Variants in COA1 observed in about 807,000 individuals in gnomAD.
COA1 encodes cytochrome c oxidase assembly factor 1.
Under a neutral mutation model 16.0 loss-of-function variants are expected in COA1, and 13 were observed. The ratio of observed to expected loss-of-function variants is 0.81; its 90% confidence interval spans 0.53 to 1.29. COA1 has a LOEUF of 1.29. COA1 is among the 50% of genes most tolerant of loss of function. COA1 has a pLI of 0.00. For missense variants in COA1, 179 were observed against 177.0 expected (o/e 1.01, Z -0.06); for synonymous variants, 65 against 65.7 (o/e 0.99, Z 0.05).
chr7:43,694,945 C>T (rs1255033134), intron 1 of COA1, among the ~76,000 whole-genome samples: 1 of 152,198 alleles, frequency 6.6e-6, no homozygotes, highest in African/African-American at 2.4e-5. Context: ...CAATGAATGG[C>T]AACTCCAGCC....
intron 1 of COA1, among the ~76,000 whole-genome samples, chr7:43,677,700 G>A (rs936862389): frequency 6.6e-6 from 1 of 151,314 alleles, no homozygotes; most frequent in African/African-American, 2.4e-5. Context: ...TCAGGAGGCT[G>A]AGGCAAGAGA....
intron 1 of COA1, 114 bp downstream of exon 1, chr7:43,729,315 G>A (rs575502215): frequency 1.3e-5 from 2 of 152,478 alleles, no homozygotes; most frequent in Admixed American, 6.5e-5. Flanking sequence ...TGACCCGTGA[G>A]GGAACTCTCC....
At chr7:43,726,211 T>C (rs945945489) in intron 1 of COA1, among the ~76,000 whole-genome samples, 3 of 152,184 alleles carry the variant, frequency 2.0e-5, no homozygotes, top group African/African-American at 7.2e-5. Flanking sequence ...AAGCAGATCA[T>C]GGCACATTTT....
chr7:43,635,316 C>A (rs1261372545), downstream of COA1, among the ~76,000 whole-genome samples: 1 of 152,106 alleles, frequency 6.6e-6, no homozygotes, highest in African/African-American at 2.4e-5. Context: ...CTGGAATAAA[C>A]CTCTATTAGT....
At chr7:43,681,535 A>T (rs2093768459) in intron 1 of COA1, among the ~76,000 whole-genome samples, 1 of 152,170 alleles carries the variant, frequency 6.6e-6, no homozygotes, top group Non-Finnish European at 1.5e-5. Context: ...TTTCTTTCAT[A>T]GTCCCCATGA....
chr7:43,687,134 T>C (rs1226835312), intron 1 of COA1, among the ~76,000 whole-genome samples: 1 of 152,184 alleles, frequency 6.6e-6, no homozygotes, highest in African/African-American at 2.4e-5. Context: ...GACCAATGCT[T>C]CCCCAGGATG....
intron 1 of COA1, among the ~76,000 whole-genome samples, chr7:43,652,858 G>A (rs1184641274): frequency 4.6e-5 from 5 of 109,724 alleles, no homozygotes; most frequent in Admixed American, 2.4e-4. Context: ...AAATCGAACC[G>A]TTGTCAAGGG....
intron 1 of COA1, among the ~76,000 whole-genome samples, chr7:43,669,468 CA>C (rs907009294): frequency 2.0e-5 from 3 of 152,114 alleles, no homozygotes; most frequent in African/African-American, 7.2e-5. Context: ...CACATATCCC[CA>C]TATGTGTAGA....
chr7:43,664,920 T>G (rs7781049), intron 1 of COA1, among the ~76,000 whole-genome samples: 8,310 of 152,278 alleles, frequency 0.055, 766 homozygotes, highest in African/African-American at 0.19. Context: ...CTTCAGTCTT[T>G]TACTTTCAAG....
At chr7:43,719,248 A>G (rs34763923) in intron 1 of COA1, among the ~76,000 whole-genome samples, 22,305 of 152,102 alleles carry the variant, frequency 0.15, 2,155 homozygotes, top group Non-Finnish European at 0.21. Context: ...GATTATAGGC[A>G]TGAGCCACCA....
At chr7:43,683,703 G>A (rs1290072523) in intron 1 of COA1, among the ~76,000 whole-genome samples, 2 of 152,056 alleles carry the variant, frequency 1.3e-5, no homozygotes, top group Admixed American at 1.3e-4. Context: ...CCTTTACTAT[G>A]TGCCAGGTAC....
intron 1 of COA1, among the ~76,000 whole-genome samples, chr7:43,718,407 G>C (rs1414347896): frequency 6.6e-6 from 1 of 152,196 alleles, no homozygotes; most frequent in Non-Finnish European, 1.5e-5. Context: ...CATCAGTGGA[G>C]CTCTAAGAAC....
chr7:43,712,882 G>A (rs1171877214), intron 1 of COA1, among the ~76,000 whole-genome samples: 6 of 149,548 alleles, frequency 4.0e-5, no homozygotes, highest in African/African-American at 1.2e-4. Context: ...TTTTTTTATT[G>A]ACACATTGTC....
intron 6 of COA1, chr7:43,625,871 A>C (rs1430818575): frequency 3.3e-5 from 5 of 152,162 alleles, no homozygotes; most frequent in Non-Finnish European, 7.3e-5. Flanking sequence ...AATATTTATA[A>C]ACATTTACTT....
At chr7:43,646,604 C>T (rs1007526315) in intron 3 of COA1, 20 of 456,610 alleles carry the variant, frequency 4.4e-5, no homozygotes, top group Non-Finnish European at 8.4e-5. Context: ...GGCTGTCACA[C>T]CAGAAAGCTG....
At chr7:43,681,543 T>G (rs955221888) in intron 1 of COA1, among the ~76,000 whole-genome samples, 1 of 152,200 alleles carries the variant, frequency 6.6e-6, no homozygotes, top group Non-Finnish European at 1.5e-5. Flanking sequence ...ATAGTCCCCA[T>G]GAAAATCATC....
Position 43,727,690 on chromosome 7 carries a change from G to T in COA1, c.-39+1739C>A, listed in dbSNP as rs529602357. Among the ~76,000 whole-genome samples, 53 of 152,334 alleles carry T rather than the reference G, an allele frequency of 3.5e-4. No individual in the cohort carries two copies. The South Asian group carries it at 0.011, about 32-fold the overall frequency. On this transcript the variant is annotated intron_variant, in intron 1 of 5. Transcript: ENST00000223336. Reference sequence around the variant, plus strand: ...GTCAGTCAATTCATAGTTGCTTAGGGCTTAGAATGGGGAGTGGGGATGGGG... The same window carrying T: ...GTCAGTCAATTCATAGTTGCTTAGGTCTTAGAATGGGGAGTGGGGATGGGG...
At position 43,672,767 on chromosome 7, in the gene COA1, T is replaced by A. The variant is rs190755050; in HGVS notation, c.-38-24115A>T. On this transcript the variant is annotated intron_variant, in intron 1 of 5. Transcript: ENST00000223336. ...CCTGACAACAGAGCGAGGCTCCATC[T>A]CAAACCAAAAAAAAAAAAAAAAGAG... is the stretch of plus-strand genomic sequence containing the variant. Among the ~76,000 whole-genome samples the A allele has an allele frequency of 2.1e-3, 243 of 113,674 alleles. 2 individuals carry two copies. The highest frequency in any genetic ancestry group is 3.6e-3 in the Non-Finnish European group (203 of 55,994). 74.6% of individuals were successfully genotyped at this position (113,674 alleles called of 152,430 possible). A position where few individuals can be genotyped will look rare whatever the true frequency, so the allele number is the denominator to read the frequency against.
chr7:43,707,055 A>G (rs2131590329), intron 1 of COA1, among the ~76,000 whole-genome samples: 1 of 152,020 alleles, frequency 6.6e-6, no homozygotes, highest in Non-Finnish European at 1.5e-5. Context: ...CTGTAATCCC[A>G]GCTAGCTACT....
Sources: gnomAD v4.1 joint callset for allele counts (sites outside exome capture counted in the v4.1 genomes callset) on GRCh38, gnomAD v4.1.1 for gene constraint, MANE v1.5 for transcripts, NCBI Gene and HGNC (gene_info 2026-07-23, HGNC 2026-07-21) for gene names.